The following HIP1R variants were observed in gnomAD, a reference collection of about 807,000 sequenced individuals.
The protein encoded by HIP1R is huntingtin-interacting protein 1-related protein.
Under a neutral mutation model 144.2 loss-of-function variants are expected in HIP1R, and 135 were observed. That is an observed-to-expected ratio of 0.94 (90% CI 0.81 to 1.08). HIP1R has a LOEUF of 1.08. HIP1R is among the 50% of genes least tolerant of loss of function. The pLI, the probability that HIP1R is intolerant of heterozygous loss-of-function variation, is 0.00. For synonymous variants in HIP1R, 698 were observed against 612.8 expected (o/e 1.14, Z -2.05); for missense variants, 1,462 against 1,432.8 (o/e 1.02, Z -0.33).
intron 11 of HIP1R, 34 bp downstream of exon 11, chr12:122,855,439 C>T (rs2033537377): frequency 6.4e-7 from 1 of 1,550,912 alleles, no homozygotes; most frequent in Non-Finnish European, 8.7e-7. Flanking sequence ...TCCCCCAGTC[C>T]TCCAGCTGCA....
intron 1 of HIP1R, among the ~76,000 whole-genome samples, chr12:122,838,782 G>C (rs2135627898): frequency 1.3e-5 from 2 of 152,324 alleles, no homozygotes; most frequent in South Asian, 4.1e-4. Flanking sequence ...ATGTGGACAA[G>C]GGAGGCAGGA....
chr12:122,861,278 G>A (rs776137148), intron 30 of HIP1R, 30 bp from the exon 31 acceptor site: 1 of 1,613,616 alleles, frequency 6.2e-7, no homozygotes, highest in Non-Finnish European at 8.5e-7. Context: ...GGGGAGGCTG[G>A]GCTGGGCTGA....
At chr12:122,859,637 C>A in intron 23 of HIP1R, 101 bp downstream of exon 23, 2 of 1,351,032 alleles carry the variant, frequency 1.5e-6, no homozygotes, top group South Asian at 1.3e-5. Context: ...CTGCTCTCAG[C>A]CTCCAGACAG....
intron 26 of HIP1R, 52 bp downstream of exon 26, chr12:122,860,262 C>T (rs1465718087): frequency 3.3e-6 from 5 of 1,529,244 alleles, no homozygotes; most frequent in Non-Finnish European, 4.4e-6. Flanking sequence ...TGACCCCCAG[C>T]CTAGGCCACC....
chr12:122,849,833 G>A, intron 4 of HIP1R, 42 bp from the exon 5 acceptor site: 1 of 1,473,898 alleles, frequency 6.8e-7, no homozygotes, highest in Non-Finnish European at 9.5e-7. Context: ...TCTTGGACGT[G>A]TTCACGAGCC....
intron 1 of HIP1R, among the ~76,000 whole-genome samples, chr12:122,843,677 G>A (rs1336587943): frequency 3.9e-5 from 6 of 152,052 alleles, no homozygotes; most frequent in Non-Finnish European, 5.9e-5. Flanking sequence ...TTGTGAGCAG[G>A]TGGCCCCTGG....
At chr12:122,835,379 G>A (rs2032848190), upstream of HIP1R, 2 of 1,105,404 alleles carry the variant, frequency 1.8e-6, no homozygotes, top group Non-Finnish European at 2.2e-6. Context: ...GTTTGGAGGT[G>A]TGCGGGGGAG....
intron 1 of HIP1R, among the ~76,000 whole-genome samples, chr12:122,843,936 C>G (rs1174186371): frequency 1.3e-5 from 2 of 151,982 alleles, no homozygotes; most frequent in African/African-American, 4.8e-5. Flanking sequence ...CTGCAGCCTC[C>G]CAGGTTCAAG....
chr12:122,859,931 G>A, intron 24 of HIP1R, 101 bp downstream of exon 24: 1 of 1,469,626 alleles, frequency 6.8e-7, no homozygotes, highest in Non-Finnish European at 9.2e-7. Flanking sequence ...AGGAAGGCCT[G>A]GCTCAGAGCA....
intron 3 of HIP1R, 31 bp downstream of exon 3, chr12:122,848,639 G>C: frequency 6.2e-7 from 1 of 1,601,180 alleles, no homozygotes; most frequent in Non-Finnish European, 8.5e-7. Flanking sequence ...CTGCTCCCCG[G>C]AGCTGGGGCA....
chr12:122,853,772 C>T (rs2033470855), intron 7 of HIP1R: 2 of 375,712 alleles, frequency 5.3e-6, no homozygotes, highest in East Asian at 9.1e-5. Context: ...GCACCTCGTC[C>T]TGGGCTCCCA....
At position 122,836,536 on chromosome 12, in the gene HIP1R, A is replaced by G. The variant is rs1425921285; in HGVS notation, c.93+893A>G. ...TTGCTTTTTATTTTACAAACTCTTG[A>G]AGTGCTCTCAGGCTTGGGGGATGGG... is the stretch of plus-strand genomic sequence containing the variant. On this transcript the variant is annotated intron_variant, in intron 1 of 31. Transcript: ENST00000253083. This position sits in a 1 kb window ranked among gnomAD's most constrained non-coding sequence, Gnocchi z 4.1. Among the ~76,000 whole-genome samples, 1 of 152,042 alleles carries G rather than the reference A, an allele frequency of 6.6e-6. No individual in the cohort carries two copies. The highest frequency in any genetic ancestry group is 1.5e-5 in the Non-Finnish European group (1 of 68,020).
At chr12:122,834,804 T>A (rs2032823848), upstream of HIP1R, 2 of 487,242 alleles carry the variant, frequency 4.1e-6, no homozygotes, top group South Asian at 3.7e-5. Flanking sequence ...TCTCTGGAAA[T>A]GCATCCTGCA....
intron 1 of HIP1R, among the ~76,000 whole-genome samples, chr12:122,838,188 G>T (rs2032960500): frequency 6.6e-6 from 1 of 152,254 alleles, no homozygotes; most frequent in East Asian, 1.9e-4. Flanking sequence ...GCTCAGGAGT[G>T]TGAAGAGAGG....
chr12:122,853,980 C>T (rs990600473), intron 7 of HIP1R, 63 bp from the exon 8 acceptor site: 1 of 1,540,270 alleles, frequency 6.5e-7, no homozygotes, highest in Non-Finnish European at 8.8e-7. Context: ...ACAGTTGGAC[C>T]ACCTTGGACA....
Position 122,861,332 on chromosome 12 carries a change from A to G in HIP1R, c.2977A>G (p.Thr993Ala). Residue 993 changes from threonine (T) to alanine (A), a missense_variant, in exon 31 of 32, where the codon ACG becomes GCG. This residue lies in a region of HIP1R where 1,112 missense variants were observed against 1,011.7 expected (regional missense o/e 1.10). Transcript: ENST00000253083. ...TQVRVLELEK[T>A]LEAERMRLGE... Reference sequence around the variant, plus strand: ...GGTGCGTGTCCTGGAGCTGGAGAAGACGCTGGAGGCTGAACGCATGCGGCT... The same window carrying G: ...GGTGCGTGTCCTGGAGCTGGAGAAGGCGCTGGAGGCTGAACGCATGCGGCT... The G allele has an allele frequency of 6.2e-7, 1 of 1,613,724 alleles. No homozygotes were observed. The highest frequency in any genetic ancestry group is 8.5e-7 in the Non-Finnish European group (1 of 1,179,958).
intron 1 of HIP1R, 45 bp downstream of exon 1, chr12:122,835,688 C>A: frequency 9.8e-7 from 1 of 1,020,920 alleles, no homozygotes. Flanking sequence ...GGCGGGCGGG[C>A]GGGCAAGCGG....
chr12:122,860,256 C>T (rs577207590), intron 26 of HIP1R, 46 bp downstream of exon 26: 3 of 1,533,718 alleles, frequency 2.0e-6, no homozygotes, highest in Non-Finnish European at 2.6e-6. Context: ...GGAGCCTGAC[C>T]CCCAGCCTAG....
At chr12:122,844,426 C>A (rs1049282356) in intron 1 of HIP1R, among the ~76,000 whole-genome samples, 1 of 152,170 alleles carries the variant, frequency 6.6e-6, no homozygotes, top group Admixed American at 6.5e-5. Flanking sequence ...GTGCCTGGTC[C>A]CCCTCCATTA....
Sources: allele counts gnomAD v4.1 joint callset (sites outside exome capture counted in the v4.1 genomes callset), GRCh38; gene constraint gnomAD v4.1.1; regional missense constraint gnomAD v4.1.1; non-coding constraint Gnocchi (gnomAD v3.1); transcripts MANE v1.5; gene names NCBI Gene and HGNC (gene_info 2026-07-23, HGNC 2026-07-21).